Variants in LMCD1 observed in about 807,000 individuals in gnomAD.
LMCD1 encodes LIM and cysteine rich domains 1.
LMCD1 carries 32 observed loss-of-function variants against 42.7 expected under a neutral mutation model. That is an observed-to-expected ratio of 0.75 (90% CI 0.57 to 1.01). The LOEUF is 1.01. Ranked by LOEUF, LMCD1 falls within the 50% of genes least tolerant of loss-of-function variation. LMCD1 has a pLI of 0.00. For missense variants in LMCD1, 458 were observed against 483.1 expected, an observed-to-expected ratio of 0.95 and a Z score of 0.49; for synonymous variants, 178 against 184.9, an observed-to-expected ratio of 0.96 and a Z score of 0.30.
rs771402037 is a variant in LMCD1 at position 8,565,634 on chromosome 3, C to A, written c.926C>A (p.Ser309Tyr). 6.2e-7 allele frequency: 1 copy of A among 1,601,104 alleles called. No homozygotes were observed. Among genetic ancestry groups the A allele is most frequent in the South Asian group, 1.1e-5 (1 of 89,770 alleles). ...TGCGAGAGTCTGCGGCCCCGGTGCTCCGGCTGCGATGAGGTGGGAGATAGC... is the reference window on the plus strand; with the variant it reads ...TGCGAGAGTCTGCGGCCCCGGTGCTACGGCTGCGATGAGGTGGGAGATAGC... ...HYCESLRPRC[S>Y]GCDEIIFAED... The change falls in exon 5 of 6, where the codon TCC (serine) becomes TAC (tyrosine). Residue 309 changes from serine (S) to tyrosine (Y), a missense_variant. Transcript: ENST00000157600.
chr3:8,568,415 A>C lies in LMCD1; in HGVS notation c.*817A>C, dbSNP rs1695164215. On this transcript the variant is annotated 3_prime_UTR_variant, in exon 6 of 6. Transcript: ENST00000157600. The stretch of plus-strand genomic sequence containing the variant: ...ACTCAGCTGCCCTCAGAGCCCAGGA[A>C]AATAGCGAATGAACCCCTCTGGGAA... The C allele has an allele frequency of 6.6e-6, 1 of 152,250 alleles. No individual in the cohort carries two copies. The highest frequency in any genetic ancestry group is 1.5e-5 in the Non-Finnish European group (1 of 68,070). The allele number at this position is 152,250 out of a possible 1,614,324, so 9.4% of individuals were successfully genotyped here. A position where few individuals can be genotyped will look rare whatever the true frequency, so the allele number is the denominator to read the frequency against.
At chr3:8,541,684 G>C (rs1448149546) in intron 3 of LMCD1, among the ~76,000 whole-genome samples, 1 of 152,258 alleles carries the variant, frequency 6.6e-6, no homozygotes, top group Non-Finnish European at 1.5e-5. Context: ...AGTCAGGTAT[G>C]AGACGTAGAT....
At chr3:8,517,480 A>G (rs1387210257) in intron 1 of LMCD1, among the ~76,000 whole-genome samples, 3 of 152,228 alleles carry the variant, frequency 2.0e-5, no homozygotes, top group Admixed American at 6.5e-5. Context: ...TGTCTAACCT[A>G]TATCTAACAT....
rs1408302093 is a variant in LMCD1, at chr3:8,570,925, T to G, written c.*3327T>G. The G allele has an allele frequency of 6.6e-6, 1 of 152,232 alleles. No homozygotes were observed. The highest frequency in any genetic ancestry group is 1.5e-5 in the Non-Finnish European group (1 of 68,066). 9.4% of individuals were successfully genotyped at this position (152,232 alleles called of 1,614,324 possible). On this transcript the variant is annotated 3_prime_UTR_variant, in exon 6 of 6. Transcript: ENST00000157600. ...GCTTTCCTCACCTCTGTACCATCACTCACGCTGTGCTTTTTGCCTGCAATT... is the reference window on the plus strand; with the variant it reads ...GCTTTCCTCACCTCTGTACCATCACGCACGCTGTGCTTTTTGCCTGCAATT...
intron 4 of LMCD1, among the ~76,000 whole-genome samples, chr3:8,552,926 T>C (rs1172921272): frequency 6.6e-6 from 1 of 152,200 alleles, no homozygotes; most frequent in Non-Finnish European, 1.5e-5. Context: ...GGTTTCATCG[T>C]GTTAGCCAGG....
chr3:8,537,796 T>C (rs2125025411), intron 3 of LMCD1, among the ~76,000 whole-genome samples: 1 of 152,334 alleles, frequency 6.6e-6, no homozygotes, highest in African/African-American at 2.4e-5. Context: ...GATATTCATT[T>C]TCCCTTGAAG....
chr3:8,564,662 T>G (rs780411275), intron 4 of LMCD1, among the ~76,000 whole-genome samples: 4 of 152,226 alleles, frequency 2.6e-5, no homozygotes, highest in Non-Finnish European at 5.9e-5. Context: ...CAGGTTTTAA[T>G]GTAAACAAAT....
chr3:8,524,306 T>C (rs1447172343), intron 1 of LMCD1, among the ~76,000 whole-genome samples: 3 of 151,944 alleles, frequency 2.0e-5, no homozygotes, highest in Admixed American at 1.3e-4. Flanking sequence ...CAGTCGAAGC[T>C]TCCACCTGAA....
Position 8,573,042 on chromosome 3 carries a change from T to C in LMCD1, c.*5444T>C, listed in dbSNP as rs1436532999. 6.6e-6 allele frequency: 1 copy of C among 152,236 alleles called. No homozygotes were observed. Among genetic ancestry groups the C allele is most frequent in the Non-Finnish European group, 1.5e-5 (1 of 68,042 alleles). The allele number at this position is 152,236 out of a possible 1,614,324, so 9.4% of individuals were successfully genotyped here. ...GGAGACAGTGAACTAACCTCTGGAC[T>C]GCTTGCTACATGAGACAATTGATTT... On this transcript the variant is annotated 3_prime_UTR_variant, in exon 6 of 6. Transcript: ENST00000157600.
intron 1 of LMCD1, 141 bp downstream of exon 1, chr3:8,502,121 A>C: frequency 1.4e-6 from 1 of 703,186 alleles, no homozygotes; most frequent in Non-Finnish European, 2.3e-6. Flanking sequence ...AATAGTTGGG[A>C]ATACATGTTT....
In LMCD1 at chr3:8,567,637, C is replaced by T. The variant is rs1402177539; in HGVS notation, c.*39C>T. On this transcript the variant is annotated 3_prime_UTR_variant, in exon 6 of 6. Transcript: ENST00000157600. Reference sequence around the variant, plus strand: ...CACAGCCAGAATCCACAGGATCCCACCGAGAAGGAGAGCCAGGTGTGCCGA... The same window carrying T: ...CACAGCCAGAATCCACAGGATCCCATCGAGAAGGAGAGCCAGGTGTGCCGA... 6.3e-7 allele frequency: 1 copy of T among 1,587,286 alleles called. No individual in the cohort carries two copies. The highest frequency in any genetic ancestry group is 8.6e-7 in the Non-Finnish European group (1 of 1,165,476).
intron 1 of LMCD1, among the ~76,000 whole-genome samples, chr3:8,525,987 C>T (rs1299236909): frequency 6.6e-6 from 1 of 152,148 alleles, no homozygotes; most frequent in Non-Finnish European, 1.5e-5. Context: ...AAGCGTGGTC[C>T]CTGGGACAGC....
At chr3:8,522,259 G>A (rs1179387746) in intron 1 of LMCD1, among the ~76,000 whole-genome samples, 1 of 152,182 alleles carries the variant, frequency 6.6e-6, no homozygotes, top group Non-Finnish European at 1.5e-5. Context: ...CCCTCCCCTG[G>A]AGGGGAAGGC....
At chr3:8,502,311 A>AT (rs1559342079) in intron 1 of LMCD1, among the ~76,000 whole-genome samples, 943 of 28,056 alleles carry the variant, frequency 0.034, 52 homozygotes, top group South Asian at 0.082. Flanking sequence ...TATAATATAT[A>AT]AAATATATAT....
At chr3:8,509,711 C>A (rs1049177619) in intron 1 of LMCD1, among the ~76,000 whole-genome samples, 10 of 152,134 alleles carry the variant, frequency 6.6e-5, no homozygotes, top group African/African-American at 2.4e-4. Flanking sequence ...CTTCCTTTTC[C>A]AACCACCCTC....
chr3:8,505,280 C>G (rs1399310986), intron 1 of LMCD1, among the ~76,000 whole-genome samples: 1 of 152,232 alleles, frequency 6.6e-6, no homozygotes, highest in Non-Finnish European at 1.5e-5. Flanking sequence ...TGACCAAATG[C>G]TGTTGCCTTC....
intron 3 of LMCD1, among the ~76,000 whole-genome samples, chr3:8,540,533 A>G (rs895778485): frequency 6.6e-5 from 10 of 152,212 alleles, no homozygotes; most frequent in African/African-American, 2.4e-4. Context: ...TCTTGAACTC[A>G]GGCCACCCTG....
chr3:8,510,132 G>A (rs1693967358), intron 1 of LMCD1, among the ~76,000 whole-genome samples: 1 of 152,214 alleles, frequency 6.6e-6, no homozygotes, highest in Non-Finnish European at 1.5e-5. Context: ...TGTTTGGGCT[G>A]TATGACTCAG....
intron 2 of LMCD1, among the ~76,000 whole-genome samples, chr3:8,535,136 T>G (rs1344887886): frequency 6.6e-6 from 1 of 152,142 alleles, no homozygotes; most frequent in Non-Finnish European, 1.5e-5. Flanking sequence ...TTCCTTCACT[T>G]TCTGCCTCTT....
Sources: allele counts gnomAD v4.1 joint callset (sites outside exome capture counted in the v4.1 genomes callset), GRCh38; gene constraint gnomAD v4.1.1; transcripts MANE v1.5; gene names NCBI Gene and HGNC (gene_info 2026-07-23, HGNC 2026-07-21).